The following C1orf87 variants were observed in gnomAD, a reference collection of about 807,000 sequenced individuals.
C1orf87 encodes the protein chromosome 1 open reading frame 87.
C1orf87 carries 58 observed loss-of-function variants against 60.5 expected under a neutral mutation model. The ratio of observed to expected loss-of-function variants is 0.96; its 90% CI spans 0.78 to 1.19. C1orf87 has a LOEUF of 1.19. Among genes scored for constraint, C1orf87 ranks in the 50% most tolerant of loss-of-function variants. The pLI, the probability that C1orf87 is intolerant of heterozygous loss-of-function variation, is 0.00. For synonymous variants in C1orf87, 236 were observed against 227.4 expected, an observed-to-expected ratio of 1.04 and a Z score of -0.34; for missense variants, 673 against 638.6, an observed-to-expected ratio of 1.05 and a Z score of -0.58.
At chr1:60,033,746 G>C (rs1645256015) in intron 6 of C1orf87, 105 bp from the exon 7 acceptor site, 1 of 1,322,218 alleles carries the variant, frequency 7.6e-7, no homozygotes, top group African/African-American at 1.5e-5. Context: ...TATGGAACCA[G>C]AGAGCCCATC....
intron 7 of C1orf87, among the ~76,000 whole-genome samples, chr1:60,026,188 G>A (rs1420090427): frequency 6.6e-6 from 1 of 152,138 alleles, no homozygotes; most frequent in Non-Finnish European, 1.5e-5. Flanking sequence ...AGTAACTTTT[G>A]TTGTATATTT....
chr1:60,065,003 T>TTAATATATATAAAATATATAAAATATATA (rs1371160530), intron 2 of C1orf87, among the ~76,000 whole-genome samples: 2 of 63,872 alleles, frequency 3.1e-5, no homozygotes, highest in African/African-American at 1.2e-4. Context: ...ATATAAATAT[T>TTAATATATATAAAATATATAAAATATATA]AAATATATAT....
At chr1:60,059,387 T>G (rs139201631) in intron 2 of C1orf87, among the ~76,000 whole-genome samples, 1 of 152,250 alleles carries the variant, frequency 6.6e-6, no homozygotes, top group Non-Finnish European at 1.5e-5. Flanking sequence ...CGTGAAGAGT[T>G]TAGTGTCATC....
chr1:60,040,228 C>A (rs1205600723), intron 4 of C1orf87, 48 bp from the exon 5 acceptor site: 2 of 1,568,248 alleles, frequency 1.3e-6, no homozygotes, highest in Non-Finnish European at 1.7e-6. Flanking sequence ...AATCAGCCGG[C>A]TAAAGACCAA....
chr1:60,030,888 G>A (rs1382717487), intron 7 of C1orf87, among the ~76,000 whole-genome samples: 1 of 152,218 alleles, frequency 6.6e-6, no homozygotes, highest in Admixed American at 6.5e-5. Context: ...ACTGATCTTT[G>A]TGGATGGTCA....
chr1:60,039,645 T>C (rs568863466), intron 5 of C1orf87, among the ~76,000 whole-genome samples: 3 of 152,296 alleles, frequency 2.0e-5, no homozygotes, highest in Admixed American at 1.3e-4. Context: ...TTTTCTTGAA[T>C]CTGTAACTAC....
Position 60,038,180 on chromosome 1 carries a change from T to C in C1orf87, c.748-73A>G, listed in dbSNP as rs575326126. On this transcript the variant is annotated intron_variant, in intron 5 of 11. Transcript: ENST00000371201. ...AGGAAAGAGGCCTGTTGAGATAAAA[T>C]GTATTTGGCAAATTTTTACCATCAA... 71 of 856,844 alleles carry C rather than the reference T, an allele frequency of 8.3e-5. No individual in the cohort carries two copies. In the African/African-American group the frequency reaches 1.0e-3, roughly 12 times the overall value. 53.1% of individuals were successfully genotyped at this position (856,844 alleles called of 1,614,324 possible). A position where few individuals can be genotyped will look rare whatever the true frequency, so the allele number is the denominator to read the frequency against.
At chr1:60,025,588 A>T (rs1645193601) in intron 7 of C1orf87, 90 bp from the exon 8 acceptor site, 11 of 994,542 alleles carry the variant, frequency 1.1e-5, no homozygotes, top group Admixed American at 2.7e-5. Context: ...GTTTTTTCTC[A>T]TAATTGGAAG....
chr1:60,000,425 C>T (rs1371520271), intron 10 of C1orf87, among the ~76,000 whole-genome samples: 1 of 152,070 alleles, frequency 6.6e-6, no homozygotes, highest in Non-Finnish European at 1.5e-5. Context: ...AAAATGGGTA[C>T]TATTTTCTAA....
rs1476788361 is a variant in C1orf87, at chr1:60,039,970, G to T, written c.694C>A (p.Pro232Thr). 1 of 1,614,046 alleles carries T rather than the reference G, an allele frequency of 6.2e-7. No individual in the cohort carries two copies. Reference protein sequence around the residue: ...FLKHEVPLQLPTVKILCQRFS... With the variant: ...FLKHEVPLQLTTVKILCQRFS... ...CTCTGACAAAGGATTTTAACTGTTG[G>T]TAACTGTAGAGGGACTTCATGCTTC... The change falls in exon 5 of 12, where the codon CCA (proline) becomes ACA (threonine). Residue 232 changes from proline (P) to threonine (T), a missense_variant. Pro to Thr is a conservative substitution (Grantham distance 38, BLOSUM62 -1). Coordinates refer to ENST00000371201, the MANE Select transcript of C1orf87 (RefSeq NM_152377.3).
intron 7 of C1orf87, among the ~76,000 whole-genome samples, chr1:60,031,181 G>A (rs1645235528): frequency 6.6e-6 from 1 of 152,088 alleles, no homozygotes; most frequent in African/African-American, 2.4e-5. Flanking sequence ...CTGAAGTCCC[G>A]TGTTCAGGAG....
chr1:59,995,489 T>C (rs1439246169), intron 11 of C1orf87, among the ~76,000 whole-genome samples: 3 of 152,190 alleles, frequency 2.0e-5, no homozygotes, highest in Admixed American at 6.5e-5. Context: ...ATGTCCAACA[T>C]CCACCTCCAG....
chr1:59,991,513 T>A (rs1644923482), intron 11 of C1orf87, among the ~76,000 whole-genome samples: 1 of 152,260 alleles, frequency 6.6e-6, no homozygotes, highest in Admixed American at 6.5e-5. Context: ...ATTTGTACTT[T>A]TTTTTGTTGT....
At chr1:60,043,417 C>T (rs1557472950) in intron 3 of C1orf87, among the ~76,000 whole-genome samples, 1 of 152,062 alleles carries the variant, frequency 6.6e-6, no homozygotes, top group Non-Finnish European at 1.5e-5. Flanking sequence ...GAGTCTCACT[C>T]TGTTGCCAGG....
In C1orf87 at chr1:59,997,626, C is replaced by T; in HGVS notation, c.1463G>A (p.Cys488Tyr). The change falls in exon 11 of 12, where the codon TGT becomes TAT. Residue 488 changes from cysteine (C) to tyrosine (Y), a missense_variant. Cys to Tyr is a radical substitution (Grantham distance 194, BLOSUM62 -2). Coordinates refer to ENST00000371201, the MANE Select transcript of C1orf87 (RefSeq NM_152377.3). ...FRKLENALYL[C>Y]DLSNTGVLEK... ...TACTTCACCTGTGTTACTCAGATCACACAGGTAGAGGGCATTTTCCAGCTT... is the reference window on the plus strand; with the variant it reads ...TACTTCACCTGTGTTACTCAGATCATACAGGTAGAGGGCATTTTCCAGCTT... 2 of 1,613,854 alleles carry T rather than the reference C, an allele frequency of 1.2e-6. No individual in the cohort carries two copies. The highest frequency in any genetic ancestry group is 1.1e-5 in the South Asian group (1 of 91,080).
At chr1:60,007,236 C>T (rs979862590) in intron 9 of C1orf87, among the ~76,000 whole-genome samples, 2 of 152,062 alleles carry the variant, frequency 1.3e-5, no homozygotes, top group Admixed American at 6.6e-5. Flanking sequence ...AAATGTGTTA[C>T]ATCCTAATTT....
chr1:60,039,466 T>A (rs909675095), intron 5 of C1orf87, among the ~76,000 whole-genome samples: 1 of 152,208 alleles, frequency 6.6e-6, no homozygotes, highest in Non-Finnish European at 1.5e-5. Flanking sequence ...AAACAAGTTA[T>A]TGGACATCCT....
chr1:59,999,778 C>T (rs576266487), intron 10 of C1orf87, among the ~76,000 whole-genome samples: 2 of 152,224 alleles, frequency 1.3e-5, no homozygotes, highest in South Asian at 2.1e-4. Flanking sequence ...TCTTCTTTGG[C>T]CACAAAAACC....
chr1:60,025,053 A>C (rs1645189474), intron 8 of C1orf87, among the ~76,000 whole-genome samples: 1 of 152,210 alleles, frequency 6.6e-6, no homozygotes, highest in Non-Finnish European at 1.5e-5. Flanking sequence ...AGAATGAATA[A>C]AAAATTCAGG....
Sources: allele counts gnomAD v4.1 joint callset (sites outside exome capture counted in the v4.1 genomes callset), GRCh38; gene constraint gnomAD v4.1.1; transcripts MANE v1.5; gene names NCBI Gene and HGNC (gene_info 2026-07-23, HGNC 2026-07-21).